STK10: variants seen among roughly 807,000 people sequenced by gnomAD.
The protein encoded by STK10 is serine/threonine kinase 10.
STK10 carries 78 observed loss-of-function variants against 113.8 expected under a neutral mutation model. The observed-to-expected ratio is 0.69, with a 90% CI of 0.57 to 0.83. The LOEUF is 0.83. STK10 is among the 40% of genes least tolerant of loss of function. STK10 has a pLI of 0.00. For synonymous variants in STK10, 465 were observed against 494.7 expected (o/e 0.94, Z 0.80); for missense variants, 1,109 against 1,280.1 (o/e 0.87, Z 2.04).
intron 2 of STK10, among the ~76,000 whole-genome samples, chr5:172,129,926 T>A (rs1391501081): frequency 6.6e-6 from 1 of 152,178 alleles, no homozygotes; most frequent in Non-Finnish European, 1.5e-5. Flanking sequence ...CTCAGTTATG[T>A]GAGCTGTCAC....
At chr5:172,122,144 G>A (rs1207425967) in intron 3 of STK10, among the ~76,000 whole-genome samples, 1 of 152,178 alleles carries the variant, frequency 6.6e-6, no homozygotes, top group African/African-American at 2.4e-5. Context: ...GGGATCACAG[G>A]TGTGACCAAC....
At chr5:172,173,722 GGGA>G (rs1770703437) in intron 1 of STK10, among the ~76,000 whole-genome samples, 1 of 152,214 alleles carries the variant, frequency 6.6e-6, no homozygotes, top group Non-Finnish European at 1.5e-5. Context: ...TAACAGGCAA[GGGA>G]GGAGTTCAGG....
chr5:172,099,504 G>A (rs150847542), intron 7 of STK10, among the ~76,000 whole-genome samples: 23 of 152,328 alleles, frequency 1.5e-4, no homozygotes, highest in African/African-American at 5.3e-4. Context: ...TCATGCCAAT[G>A]CACTTCAGCC....
In STK10 at chr5:172,187,917, C is replaced by G; in HGVS notation, c.126G>C (p.Leu42=). Residue 42 remains leucine, a synonymous_variant, in exon 1 of 19, where the codon CTG becomes CTC. Transcript: ENST00000176763. This position sits in a 1 kb window ranked among gnomAD's most constrained non-coding sequence, Gnocchi z 4.6. ...AAACCTTGCCGAAGGCGCCGTCGCC[C>G]AGCTCGCCCACGATCTCCCACACCT... The part of the protein sequence containing the change: ...PNEVWEIVGE[L]GDGAFGKVYK... 6.2e-7 allele frequency: 1 copy of G among 1,613,342 alleles called. No individual in the cohort carries two copies. The highest frequency in any genetic ancestry group is 8.5e-7 in the Non-Finnish European group (1 of 1,179,774).
intron 13 of STK10, chr5:172,064,306 T>G: frequency 5.7e-6 from 1 of 175,158 alleles, no homozygotes; most frequent in Non-Finnish European, 1.2e-5. Context: ...GGAAGGAAAA[T>G]GGCACCCCCT....
intron 10 of STK10, among the ~76,000 whole-genome samples, chr5:172,089,752 GATGA>G (rs1160505575): frequency 2.0e-5 from 3 of 151,264 alleles, no homozygotes; most frequent in African/African-American, 7.3e-5. Flanking sequence ...TGGATGAGTG[GATGA>G]ATGGATGGAT....
intron 12 of STK10, among the ~76,000 whole-genome samples, chr5:172,067,853 A>C (rs1768102312): frequency 6.6e-6 from 1 of 152,176 alleles, no homozygotes; most frequent in Admixed American, 6.5e-5. Flanking sequence ...AATGAAACCC[A>C]AACAGGTTAA....
intron 18 of STK10, 48 bp downstream of exon 18, chr5:172,052,881 G>A (rs957859151): frequency 1.9e-6 from 3 of 1,586,864 alleles, no homozygotes; most frequent in Non-Finnish European, 2.6e-6. Flanking sequence ...CCTGTGCATG[G>A]CACAGAGCAG....
chr5:172,065,504 C>T (rs942939983), intron 12 of STK10, among the ~76,000 whole-genome samples: 2 of 152,150 alleles, frequency 1.3e-5, no homozygotes, highest in Non-Finnish European at 2.9e-5. Context: ...GGATTACAGG[C>T]ATGTGCCACC....
intron 2 of STK10, among the ~76,000 whole-genome samples, chr5:172,148,159 A>G (rs576190070): frequency 6.6e-6 from 1 of 152,238 alleles, no homozygotes; most frequent in East Asian, 1.9e-4. Context: ...GATCAGCACT[A>G]TCATCCCCGA....
chr5:172,148,292 G>A (rs1770128351), intron 2 of STK10, among the ~76,000 whole-genome samples: 1 of 152,186 alleles, frequency 6.6e-6, no homozygotes, highest in Admixed American at 6.5e-5. Context: ...GAATGAGGGT[G>A]TGAGTGACAG....
intron 1 of STK10, among the ~76,000 whole-genome samples, chr5:172,167,951 G>A (rs1770600529): frequency 1.3e-5 from 2 of 152,230 alleles, no homozygotes; most frequent in Admixed American, 1.3e-4. Context: ...GGGGACATGT[G>A]CAAGGAATCA....
chr5:172,135,649 GTAGCATTAC>G (rs1353385366), intron 2 of STK10, among the ~76,000 whole-genome samples: 1 of 152,152 alleles, frequency 6.6e-6, no homozygotes, highest in Non-Finnish European at 1.5e-5. Flanking sequence ...TATGTTAAAC[GTAGCATTAC>G]TATTGATCCA....
In STK10 at chr5:172,150,953, C is replaced by T. The variant is rs189033128; in HGVS notation, c.321+5671G>A. On this transcript the variant is annotated intron_variant, in intron 2 of 18. Transcript: ENST00000176763. Reference sequence around the variant, plus strand: ...ACCCCAAAGGGACTTTGGCTGCTCGCGACAGACCCCTGCCCCACCAAGGGC... The same window carrying T: ...ACCCCAAAGGGACTTTGGCTGCTCGTGACAGACCCCTGCCCCACCAAGGGC... Among the ~76,000 whole-genome samples the T allele has an allele frequency of 8.9e-4, 136 of 152,330 alleles. 1 individual carries two copies. The highest frequency in any genetic ancestry group is 7.2e-3 in the Admixed American group (110 of 15,304).
chr5:172,166,111 T>C (rs997817264), intron 1 of STK10, among the ~76,000 whole-genome samples: 2 of 152,182 alleles, frequency 1.3e-5, no homozygotes, highest in African/African-American at 4.8e-5. Flanking sequence ...GCATTTTTGC[T>C]GAAGTTATCA....
chr5:172,112,378 T>C (rs906235622), intron 4 of STK10, among the ~76,000 whole-genome samples: 1 of 150,802 alleles, frequency 6.6e-6, no homozygotes, highest in African/African-American at 2.4e-5. Flanking sequence ...TCCCTGGAAG[T>C]GGGATTTTGG....
intron 4 of STK10, 143 bp from the exon 5 acceptor site, chr5:172,107,995 G>T: frequency 1.5e-6 from 1 of 658,848 alleles, no homozygotes; most frequent in Non-Finnish European, 2.6e-6. Context: ...AAAAATGTAA[G>T]ACTATCTGCT....
intron 1 of STK10, among the ~76,000 whole-genome samples, chr5:172,167,158 CAAAAAA>C (rs1472268822): frequency 1.0e-5 from 1 of 96,538 alleles, no homozygotes; most frequent in Non-Finnish European, 2.2e-5. Context: ...GAATCTGTCT[CAAAAAA>C]AAAAAAAGAA....
At chr5:172,182,310 A>G (rs1010280941) in intron 1 of STK10, among the ~76,000 whole-genome samples, 5 of 95,732 alleles carry the variant, frequency 5.2e-5, no homozygotes, top group African/African-American at 2.8e-4. Flanking sequence ...CTCAGAGGGA[A>G]AAAAAAAAAA....
Sources: allele counts gnomAD v4.1 joint callset (sites outside exome capture counted in the v4.1 genomes callset), GRCh38; gene constraint gnomAD v4.1.1; non-coding constraint Gnocchi (gnomAD v3.1); transcripts MANE v1.5; gene names NCBI Gene and HGNC (gene_info 2026-07-23, HGNC 2026-07-21).